Variants in CNTNAP2 observed in about 807,000 individuals in gnomAD.
The protein encoded by CNTNAP2 is contactin associated protein 2.
CNTNAP2 carries 98 observed loss-of-function variants against 155.2 expected under a neutral mutation model. The observed-to-expected ratio is 0.63, with a 90% CI of 0.54 to 0.75. CNTNAP2 has a LOEUF of 0.75. Ranked by LOEUF, CNTNAP2 falls within the 30% of genes least tolerant of loss-of-function variation. CNTNAP2 has a pLI of 0.00. For synonymous variants in CNTNAP2, 651 were observed against 631.2 expected, an observed-to-expected ratio of 1.03 and a Z score of -0.47; for missense variants, 1,727 against 1,688.1, an observed-to-expected ratio of 1.02 and a Z score of -0.40.
intron 8 of CNTNAP2, among the ~76,000 whole-genome samples, chr7:147,225,798 G>GGAAGGAAGGAAGGAAA (rs1563123741): frequency 1.4e-5 from 1 of 71,180 alleles, no homozygotes; most frequent in Non-Finnish European, 2.9e-5. Context: ...AAGGAAGGAA[G>GGAAGGAAGGAAGGAAA]GAAAGAAAGA....
intron 3 of CNTNAP2, among the ~76,000 whole-genome samples, chr7:146,965,162 A>G (rs1265059787): frequency 2.6e-5 from 4 of 152,170 alleles, no homozygotes; most frequent in Non-Finnish European, 5.9e-5. Flanking sequence ...AGGGGGTGCA[A>G]TCATTTAAAA....
At position 147,976,500 on chromosome 7, in the gene CNTNAP2, G is replaced by C. The variant is rs538132167; in HGVS notation, c.2256-1362G>C. Reference sequence around the variant, plus strand: ...TCAATAAGAATCACAGTACTTTTCTGCATTATCTTAATTCTGATTTGATAA... The same window carrying C: ...TCAATAAGAATCACAGTACTTTTCTCCATTATCTTAATTCTGATTTGATAA... On this transcript the variant is annotated intron_variant, in intron 14 of 23. Transcript: ENST00000361727. Among the ~76,000 whole-genome samples the C allele has an allele frequency of 1.5e-3, 235 of 152,194 alleles. 4 individuals are homozygous for C. The highest frequency in any genetic ancestry group is 6.9e-4 in the Non-Finnish European group (47 of 68,008).
intron 1 of CNTNAP2, among the ~76,000 whole-genome samples, chr7:146,458,580 A>G (rs897367437): frequency 2.0e-5 from 3 of 152,196 alleles, no homozygotes; most frequent in Admixed American, 6.5e-5. Context: ...ACACATACAT[A>G]TACATACATA....
At chr7:147,513,828 G>A (rs919317650) in intron 11 of CNTNAP2, among the ~76,000 whole-genome samples, 1 of 152,140 alleles carries the variant, frequency 6.6e-6, no homozygotes, top group Non-Finnish European at 1.5e-5. Flanking sequence ...GCTTCAATCT[G>A]CACCCGGGGG....
At chr7:147,000,826 G>A (rs1798408274) in intron 3 of CNTNAP2, among the ~76,000 whole-genome samples, 1 of 152,224 alleles carries the variant, frequency 6.6e-6, no homozygotes, top group Non-Finnish European at 1.5e-5. Flanking sequence ...TGCCTGTTGT[G>A]GTAGGTTATT....
chr7:147,745,310 T>C (rs1797020115), intron 13 of CNTNAP2, among the ~76,000 whole-genome samples: 1 of 152,208 alleles, frequency 6.6e-6, no homozygotes, highest in Non-Finnish European at 1.5e-5. Flanking sequence ...GCCTGATATA[T>C]TTTTACCATT....
intron 1 of CNTNAP2, among the ~76,000 whole-genome samples, chr7:146,395,155 C>T (rs1407145107): frequency 6.6e-6 from 1 of 152,118 alleles, no homozygotes; most frequent in African/African-American, 2.4e-5. Flanking sequence ...CTGATGGACA[C>T]ATAGGTGGAT....
chr7:147,594,089 G>A (rs753374668), intron 12 of CNTNAP2, among the ~76,000 whole-genome samples: 17 of 150,090 alleles, frequency 1.1e-4, no homozygotes, highest in Non-Finnish European at 1.9e-4. Flanking sequence ...TCCAACATTT[G>A]CAAGGCAAGA....
chr7:147,499,621 C>T (rs1168328995), intron 11 of CNTNAP2, among the ~76,000 whole-genome samples: 1 of 152,158 alleles, frequency 6.6e-6, no homozygotes, highest in Non-Finnish European at 1.5e-5. Flanking sequence ...CACAGGTCTG[C>T]AACCACCCCA....
chr7:146,814,852 C>G (rs73170350), intron 2 of CNTNAP2, among the ~76,000 whole-genome samples: 1 of 152,206 alleles, frequency 6.6e-6, no homozygotes, highest in Non-Finnish European at 1.5e-5. Flanking sequence ...AATTGATTCC[C>G]CTAAGTCCTT....
chr7:146,931,540 A>G (rs1343265930), intron 3 of CNTNAP2, among the ~76,000 whole-genome samples: 2 of 150,932 alleles, frequency 1.3e-5, no homozygotes, highest in African/African-American at 2.5e-5. Flanking sequence ...GAAAAGCAAG[A>G]GCAAACACAT....
intron 14 of CNTNAP2, among the ~76,000 whole-genome samples, chr7:147,919,960 T>C (rs1800240045): frequency 6.6e-6 from 1 of 152,132 alleles, no homozygotes; most frequent in Admixed American, 6.5e-5. Flanking sequence ...GTTTCCTTCC[T>C]ACGGTGGTGA....
chr7:147,321,594 T>C (rs1323529986), intron 9 of CNTNAP2, among the ~76,000 whole-genome samples: 1 of 152,176 alleles, frequency 6.6e-6, no homozygotes, highest in Non-Finnish European at 1.5e-5. Context: ...TTCATCTCTC[T>C]CCTGGAGACT....
chr7:148,145,078 G>A (rs1423230355), intron 16 of CNTNAP2, among the ~76,000 whole-genome samples: 1 of 152,096 alleles, frequency 6.6e-6, no homozygotes, highest in African/African-American at 2.4e-5. Flanking sequence ...TCTCACAGTG[G>A]GTCTTTCAGA....
In CNTNAP2 at chr7:146,671,332, T is replaced by A. The variant is rs1308673809; in HGVS notation, c.98-102939T>A. On this transcript the variant is annotated intron_variant, in intron 1 of 23. Coordinates refer to ENST00000361727, the MANE Select transcript of CNTNAP2 (RefSeq NM_014141.6). Reference sequence around the variant, plus strand: ...TAAGAGGCAAGCTACTTTTAGTCTCTGTCTTTGCTATCATACTCTTCCTTT... The same window carrying A: ...TAAGAGGCAAGCTACTTTTAGTCTCAGTCTTTGCTATCATACTCTTCCTTT... 2.6e-5 allele frequency among the ~76,000 whole-genome samples: 4 copies of A among 152,084 alleles called. No homozygotes were observed. The East Asian group carries it at 7.7e-4, about 29-fold the overall frequency.
chr7:148,287,986 T>C (rs1301673695), intron 21 of CNTNAP2, among the ~76,000 whole-genome samples: 2 of 151,610 alleles, frequency 1.3e-5, no homozygotes, highest in Non-Finnish European at 2.9e-5. Context: ...GAGATGGGGT[T>C]TCACCATGTT....
chr7:147,429,857 A>G (rs1797437744), intron 10 of CNTNAP2, among the ~76,000 whole-genome samples: 1 of 152,168 alleles, frequency 6.6e-6, no homozygotes, highest in Admixed American at 6.5e-5. Context: ...TTGGTCAAAG[A>G]TCAGTTGGCT....
intron 13 of CNTNAP2, among the ~76,000 whole-genome samples, chr7:147,668,256 CGTG>C (rs754814356): frequency 2.6e-5 from 4 of 152,286 alleles, no homozygotes; most frequent in East Asian, 3.9e-4. Context: ...AGTTTAAAAA[CGTG>C]GACCCCAAAA....
At chr7:146,719,957 A>G (rs1397271583) in intron 1 of CNTNAP2, among the ~76,000 whole-genome samples, 5 of 152,252 alleles carry the variant, frequency 3.3e-5, no homozygotes, top group Admixed American at 2.6e-4. Context: ...TGAAGCATTG[A>G]AAGAGCTGAA....
Sources: gnomAD v4.1 joint callset for allele counts (sites outside exome capture counted in the v4.1 genomes callset) on GRCh38, gnomAD v4.1.1 for gene constraint, MANE v1.5 for transcripts, NCBI Gene and HGNC (gene_info 2026-07-23, HGNC 2026-07-21) for gene names.